Variants in CSMD2 observed in about 807,000 individuals in gnomAD.
CSMD2 encodes CUB and Sushi multiple domains 2, also known as CUB and sushi domain-containing protein 2.
Under a neutral mutation model 398.5 loss-of-function variants are expected in CSMD2, and 130 were observed. That is an observed-to-expected ratio of 0.33 (90% confidence interval 0.28 to 0.38). The LOEUF (loss-of-function observed/expected upper bound fraction) is 0.38. CSMD2 is among the 10% of genes least tolerant of loss of function. The pLI, the probability that CSMD2 is intolerant of heterozygous loss-of-function variation, is 1.00. For synonymous variants in CSMD2, 1,828 were observed against 1,908.5 expected (o/e 0.96, Z 1.10); for missense variants, 3,829 against 4,764.9 (o/e 0.80, Z 5.78).
rs940241344 is a variant in CSMD2 at position 33,633,656 on chromosome 1, C to CT, written c.5087-122dup. ...CCTGGGGAAGTTGTTGGTTCCTGGG[C>CT]TGTGGCTTGCTGCACTGGTTAGTGC... On this transcript the variant is annotated intron_variant, in intron 31 of 70. Transcript: ENST00000373381. This position sits in a 1 kb window ranked among gnomAD's most constrained non-coding sequence, Gnocchi z 5.0. 7.6e-5 allele frequency: 53 copies of CT among 697,564 alleles called. No individual in the cohort carries two copies. In the Admixed American group the frequency reaches 7.8e-4, roughly 10 times the overall value. The allele number at this position is 697,564 out of a possible 1,614,324, so 43.2% of individuals were successfully genotyped here.
chr1:34,152,443 A>C (rs576012624), intron 1 of CSMD2, among the ~76,000 whole-genome samples: 1 of 152,166 alleles, frequency 6.6e-6, no homozygotes, highest in South Asian at 2.1e-4. Context: ...CTGCCGGCCA[A>C]GCCAGCCAGC....
chr1:33,875,854 T>G (rs907543753), intron 5 of CSMD2, among the ~76,000 whole-genome samples: 1 of 152,220 alleles, frequency 6.6e-6, no homozygotes, highest in Non-Finnish European at 1.5e-5. Flanking sequence ...ATAATGTTCT[T>G]GTTTTTGTCT....
intron 12 of CSMD2, among the ~76,000 whole-genome samples, chr1:33,788,391 C>T (rs1214347473): frequency 1.3e-5 from 2 of 151,898 alleles, no homozygotes; most frequent in African/African-American, 4.8e-5. Flanking sequence ...GCCTGTAGTC[C>T]CAGCTACTCG....
At chr1:34,135,233 A>G (rs969134543) in intron 1 of CSMD2, among the ~76,000 whole-genome samples, 1 of 140,716 alleles carries the variant, frequency 7.1e-6, no homozygotes, top group African/African-American at 2.6e-5. Context: ...ATCTGCCCTC[A>G]TGTTGAAATC....
At chr1:33,792,345 G>A in intron 11 of CSMD2, 78 bp downstream of exon 11, 1 of 926,238 alleles carries the variant, frequency 1.1e-6, no homozygotes, top group African/African-American at 1.6e-5. Flanking sequence ...CTAGGGACCA[G>A]GCAGGACTCC....
chr1:34,095,996 A>G (rs1218337958), intron 1 of CSMD2, among the ~76,000 whole-genome samples: 3 of 152,210 alleles, frequency 2.0e-5, no homozygotes, highest in South Asian at 2.1e-4. Context: ...ATGAACATTG[A>G]TGCAAAAATC....
At chr1:33,732,956 C>T (rs1253828921) in intron 15 of CSMD2, among the ~76,000 whole-genome samples, 1 of 152,202 alleles carries the variant, frequency 6.6e-6, no homozygotes, top group Non-Finnish European at 1.5e-5. Flanking sequence ...AGGGAACATA[C>T]TTGAGGTACA....
At position 34,148,569 on chromosome 1, in the gene CSMD2, A is replaced by T. The variant is rs576947682; in HGVS notation, c.187+16342T>A. Among the ~76,000 whole-genome samples the T allele has an allele frequency of 7.4e-5, 11 of 147,878 alleles. No individual in the cohort carries two copies. In the South Asian group the frequency reaches 2.4e-3, roughly 32 times the overall value. Reference sequence around the variant, plus strand: ...CAGGTACTGTGCTACATCTGCGGACACAGCAGTGAACAAAAGGGCCAAACC... The same window carrying T: ...CAGGTACTGTGCTACATCTGCGGACTCAGCAGTGAACAAAAGGGCCAAACC... On this transcript the variant is annotated intron_variant, in intron 1 of 70. Coordinates refer to ENST00000373381, the MANE Select transcript of CSMD2 (RefSeq NM_001281956.2).
At chr1:34,102,255 T>G (rs113447356) in intron 1 of CSMD2, among the ~76,000 whole-genome samples, 41 of 152,178 alleles carry the variant, frequency 2.7e-4, no homozygotes, top group African/African-American at 9.4e-4. Flanking sequence ...TGGTCTCGAT[T>G]TCCTGACCTC....
intron 2 of CSMD2, among the ~76,000 whole-genome samples, chr1:34,057,790 A>G (rs1654017530): frequency 1.3e-5 from 2 of 152,152 alleles, no homozygotes; most frequent in Non-Finnish European, 2.9e-5. Context: ...GATCATAAAA[A>G]CAACTACCCA....
At chr1:34,021,510 T>A (rs926300353) in intron 3 of CSMD2, among the ~76,000 whole-genome samples, 1 of 152,184 alleles carries the variant, frequency 6.6e-6, no homozygotes, top group Non-Finnish European at 1.5e-5. Context: ...GGGAGTGGGC[T>A]GGCAGTGGTC....
rs180831723 is a variant in CSMD2, at chr1:34,141,796, G to A, written c.187+23115C>T. On this transcript the variant is annotated intron_variant, in intron 1 of 70. Transcript: ENST00000373381. Reference sequence around the variant, plus strand: ...AGGTTGGAGGAAAATGGAAATAGGCGAGAATGCAAGGAGGGAAACCAGGGA... The same window carrying A: ...AGGTTGGAGGAAAATGGAAATAGGCAAGAATGCAAGGAGGGAAACCAGGGA... 4.6e-3 allele frequency among the ~76,000 whole-genome samples: 699 copies of A among 152,300 alleles called. 7 individuals carry two copies. The highest frequency in any genetic ancestry group is 0.016 in the African/African-American group (670 of 41,560).
chr1:33,734,118 C>A (rs182340829), intron 15 of CSMD2, among the ~76,000 whole-genome samples: 3 of 152,214 alleles, frequency 2.0e-5, no homozygotes, highest in Admixed American at 2.0e-4. Context: ...TGAGCTACCA[C>A]CACCACTTAG....
intron 3 of CSMD2, among the ~76,000 whole-genome samples, chr1:34,015,398 G>A (rs555450923): frequency 2.6e-5 from 4 of 152,198 alleles, no homozygotes; most frequent in African/African-American, 4.8e-5. Context: ...CAAAGTGTAG[G>A]CTTATCCTAT....
intron 5 of CSMD2, among the ~76,000 whole-genome samples, chr1:33,857,685 T>C (rs1206907047): frequency 6.6e-6 from 1 of 152,074 alleles, no homozygotes; most frequent in African/African-American, 2.4e-5. Context: ...CAGAGGCCTC[T>C]GATTAGTTTA....
chr1:33,899,622 C>T (rs1462872275), intron 5 of CSMD2, among the ~76,000 whole-genome samples: 3 of 152,156 alleles, frequency 2.0e-5, no homozygotes, highest in Non-Finnish European at 4.4e-5. Flanking sequence ...GGAGGCAGAT[C>T]CCACTGGAAG....
intron 25 of CSMD2, among the ~76,000 whole-genome samples, chr1:33,688,392 T>C (rs1645125470): frequency 6.6e-6 from 1 of 152,218 alleles, no homozygotes; most frequent in Admixed American, 6.5e-5. Flanking sequence ...GCACACAAAA[T>C]ATCCAAAAGA....
chr1:33,812,700 C>A (rs12024872), intron 9 of CSMD2, among the ~76,000 whole-genome samples: 17,525 of 152,150 alleles, frequency 0.12, 1,206 homozygotes, highest in East Asian at 0.26. Context: ...CAAATGATAC[C>A]ACCTCATTGA....
chr1:34,147,964 CCA>C (rs1639938151), intron 1 of CSMD2, among the ~76,000 whole-genome samples: 1 of 151,928 alleles, frequency 6.6e-6, no homozygotes, highest in African/African-American at 2.4e-5. Context: ...AGCCTGTGGT[CCA>C]GAGTGGTCGA....
Sources: gnomAD v4.1 joint callset for allele counts (sites outside exome capture counted in the v4.1 genomes callset) on GRCh38, gnomAD v4.1.1 for gene constraint, Gnocchi (gnomAD v3.1) non-coding constraint, MANE v1.5 for transcripts, NCBI Gene and HGNC (gene_info 2026-07-23, HGNC 2026-07-21) for gene names.